UBE3A: variants seen among roughly 807,000 people sequenced by gnomAD.
The protein encoded by UBE3A is ubiquitin protein ligase E3A.
A neutral mutation model predicts 83.4 loss-of-function variants in UBE3A; 6 were observed. That is an observed-to-expected ratio of 0.07 (90% CI 0.04 to 0.14). The LOEUF is 0.14. Ranked by LOEUF, UBE3A falls within the 10% of genes least tolerant of loss-of-function variation. The pLI, the probability that UBE3A is intolerant of heterozygous loss-of-function variation, is 1.00. For synonymous variants in UBE3A, 337 were observed against 355.4 expected, an observed-to-expected ratio of 0.95 and a Z score of 0.58; for missense variants, 456 against 1,036.1, an observed-to-expected ratio of 0.44 and a Z score of 7.69.
intron 4 of UBE3A, among the ~76,000 whole-genome samples, chr15:25,399,911 T>G (rs937582224): frequency 1.3e-5 from 2 of 152,144 alleles, no homozygotes; most frequent in Non-Finnish European, 2.9e-5. Flanking sequence ...GCTGTTATAA[T>G]TACTGTAGCT....
chr15:25,339,666 G>C (rs1314168211), intron 12 of UBE3A: 2 of 299,570 alleles, frequency 6.7e-6, no homozygotes, highest in Non-Finnish European at 1.3e-5. Context: ...AGACTGCAAA[G>C]TGTGTGCTCT....
chr15:25,401,469 T>TA lies in UBE3A; in HGVS notation c.62+3991dup, dbSNP rs2087063157. Among the ~76,000 whole-genome samples the TA allele has an allele frequency of 2.0e-5, 3 of 152,230 alleles. No homozygotes were observed. In the East Asian group the frequency reaches 5.8e-4, roughly 29 times the overall value. ...TGGTGGGAGATATTTTTATGACTGA[T>TA]ACAATCCTTGTCACTGGACTGTTCA... On this transcript the variant is annotated intron_variant, in intron 4 of 12. Coordinates refer to ENST00000648336, the MANE Select transcript of UBE3A (RefSeq NM_130839.5).
chr15:25,387,112 G>A (rs2083298650), intron 4 of UBE3A, among the ~76,000 whole-genome samples: 1 of 152,192 alleles, frequency 6.6e-6, no homozygotes, highest in Non-Finnish European at 1.5e-5. Flanking sequence ...ATTGGGTTGT[G>A]TCCCAATACC....
intron 6 of UBE3A, among the ~76,000 whole-genome samples, chr15:25,367,185 A>ATGTAAATATTTACATATT (rs1261016588): frequency 1.8e-5 from 2 of 108,986 alleles, no homozygotes; most frequent in African/African-American, 4.2e-5. Flanking sequence ...ATTTGTAAAT[A>ATGTAAATATTTACATATT]TGTAAATATT....
At chr15:25,437,420 A>C (rs943027094) in intron 1 of UBE3A, among the ~76,000 whole-genome samples, 1 of 152,182 alleles carries the variant, frequency 6.6e-6, no homozygotes, top group Non-Finnish European at 1.5e-5. Context: ...GTAACTTTCA[A>C]CAGTTGTATT....
chr15:25,408,952 A>G (rs1186962252), intron 3 of UBE3A, 136 bp downstream of exon 3: 1 of 919,826 alleles, frequency 1.1e-6, no homozygotes, highest in African/African-American at 1.7e-5. Flanking sequence ...TAAGGAGATT[A>G]AATGAAGTAG....
chr15:25,432,172 G>C (rs1481372186), intron 1 of UBE3A, among the ~76,000 whole-genome samples: 1 of 152,194 alleles, frequency 6.6e-6, no homozygotes, highest in East Asian at 1.9e-4. Flanking sequence ...ATGAGCTTTA[G>C]AGAGGGATTA....
Position 25,339,097 on chromosome 15 carries a change from TTTCC to T in UBE3A, c.*36_*39del, listed in dbSNP as rs1555379503. 5.4e-6 allele frequency: 8 copies of T among 1,489,504 alleles called. No individual in the cohort carries two copies. The highest frequency in any genetic ancestry group is 2.4e-4 in the Middle Eastern group (1 of 4,110). The allele number at this position is 1,489,504 out of a possible 1,614,324, so 92.3% of individuals were successfully genotyped here. A position where few individuals can be genotyped will look rare whatever the true frequency, so the allele number is the denominator to read the frequency against. On this transcript the variant is annotated 3_prime_UTR_variant, in exon 13 of 13. Coordinates refer to ENST00000648336, the MANE Select transcript of UBE3A (RefSeq NM_130839.5). ...AAATTTTTTAAATTTTTTCTTTTTT[TTTCC>T]TTCCTTTTTTTTGTTTTATTTTGTT...
At chr15:25,365,821 C>T (rs964439926) in intron 6 of UBE3A, among the ~76,000 whole-genome samples, 3 of 150,680 alleles carry the variant, frequency 2.0e-5, no homozygotes, top group African/African-American at 7.3e-5. Flanking sequence ...GAGGCTTAAA[C>T]TATTGCTTGA....
chr15:25,403,060 T>C (rs948430695), intron 4 of UBE3A, among the ~76,000 whole-genome samples: 3 of 152,222 alleles, frequency 2.0e-5, no homozygotes, highest in Non-Finnish European at 4.4e-5. Flanking sequence ...ATGCCACTAA[T>C]GATTCTGTTC....
At position 25,342,654 on chromosome 15, in the gene UBE3A, A is replaced by G. The variant is rs1327478086; in HGVS notation, c.2355-2426T>C. Among the ~76,000 whole-genome samples the G allele has an allele frequency of 3.9e-5, 6 of 152,084 alleles. No homozygotes were observed. In the East Asian group the frequency reaches 9.6e-4, roughly 24 times the overall value. ...AAAGGGGAAAATAAAAAAAAAACCT[A>G]TGACTTAGGTCTAGAGTAAAACTAG... On this transcript the variant is annotated intron_variant, in intron 11 of 12. Coordinates refer to ENST00000648336, the MANE Select transcript of UBE3A (RefSeq NM_130839.5).
At chr15:25,410,131 C>T (rs2089656108) in intron 2 of UBE3A, among the ~76,000 whole-genome samples, 1 of 150,064 alleles carries the variant, frequency 6.7e-6, no homozygotes, top group African/African-American at 2.5e-5. Flanking sequence ...TACCCTAAAA[C>T]TTAAAGTATA....
In UBE3A at chr15:25,353,724, G is replaced by C. The variant is rs575916950; in HGVS notation, c.2354+629C>G. ...TTCTCACTGCAATCCATCAGTAGCT[G>C]CCACTTGAACCAGTCTTAGCAGGGG... On this transcript the variant is annotated intron_variant, in intron 11 of 12. Transcript: ENST00000648336. 1.9e-4 allele frequency among the ~76,000 whole-genome samples: 29 copies of C among 152,282 alleles called. No individual in the cohort carries two copies. The South Asian group carries it at 2.9e-3, about 15-fold the overall frequency.
At chr15:25,409,067 T>C (rs1266423451) in intron 3 of UBE3A, 21 bp downstream of exon 3, 1 of 1,580,904 alleles carries the variant, frequency 6.3e-7, no homozygotes, top group African/African-American at 1.3e-5. Context: ...TTTTAAAGGC[T>C]GTAAAATAAT....
Position 25,339,273 on chromosome 15 carries a change from G to A in UBE3A, c.2499-16C>T. The A allele has an allele frequency of 6.2e-7, 1 of 1,609,632 alleles. No individual in the cohort carries two copies. The highest frequency in any genetic ancestry group is 8.5e-7 in the Non-Finnish European group (1 of 1,178,112). On this transcript the variant is annotated splice_polypyrimidine_tract_variant and intron_variant, in intron 12 of 12. Transcript: ENST00000648336. ...TGTAGGTAACCTAAATAGAGAAAAG[G>A]GGAAAAAAACAGGAAAACTGTAAGT...
At chr15:25,413,995 G>A (rs12915195) in intron 1 of UBE3A, among the ~76,000 whole-genome samples, 18,128 of 151,952 alleles carry the variant, frequency 0.12, 1,162 homozygotes, top group Middle Eastern at 0.23. Context: ...AATTTTCTGC[G>A]CAATGTCATC....
intron 6 of UBE3A, among the ~76,000 whole-genome samples, chr15:25,361,179 G>A (rs888272496): frequency 1.4e-5 from 2 of 147,892 alleles, no homozygotes; most frequent in African/African-American, 5.0e-5. Context: ...AGGCTGGAGT[G>A]CAGTGGCGCG....
At chr15:25,418,170 T>A (rs1021491779) in intron 1 of UBE3A, 1 of 152,134 alleles carries the variant, frequency 6.6e-6, no homozygotes, top group Non-Finnish European at 1.5e-5. Flanking sequence ...AATATGGTGG[T>A]ATAATCTTAA....
intron 11 of UBE3A, chr15:25,345,865 T>G (rs185386196): frequency 6.6e-6 from 1 of 151,540 alleles, no homozygotes; most frequent in Non-Finnish European, 1.5e-5. Flanking sequence ...AAAAATCCCA[T>G]CAAATACAAA....
Sources: allele counts gnomAD v4.1 joint callset (sites outside exome capture counted in the v4.1 genomes callset), GRCh38; gene constraint gnomAD v4.1.1; transcripts MANE v1.5; gene names NCBI Gene and HGNC (gene_info 2026-07-23, HGNC 2026-07-21).